AMPH: variants seen among roughly 807,000 people sequenced by gnomAD.
AMPH encodes amphiphysin.
Under a neutral mutation model 99.1 loss-of-function variants are expected in AMPH, and 49 were observed. That is an observed-to-expected ratio of 0.49 (90% CI 0.39 to 0.63). The LOEUF is 0.63. Ranked by LOEUF, AMPH falls within the 20% of genes least tolerant of loss-of-function variation. The pLI is 0.00. For missense variants in AMPH, 759 were observed against 863.4 expected, an observed-to-expected ratio of 0.88 and a Z score of 1.52; for synonymous variants, 314 against 317.3, an observed-to-expected ratio of 0.99 and a Z score of 0.11.
At chr7:38,416,278 T>A (rs1385068281) in intron 17 of AMPH, among the ~76,000 whole-genome samples, 1 of 151,974 alleles carries the variant, frequency 6.6e-6, no homozygotes, top group Non-Finnish European at 1.5e-5. Flanking sequence ...CATGACACTC[T>A]TAGAAGGGAT....
At chr7:38,562,154 AG>A (rs1313968085) in intron 1 of AMPH, among the ~76,000 whole-genome samples, 1 of 152,150 alleles carries the variant, frequency 6.6e-6, no homozygotes, top group Non-Finnish European at 1.5e-5. Context: ...AAATGAAAAA[AG>A]TCAGCAAGGT....
chr7:38,445,356 G>T (rs904846806), intron 11 of AMPH, among the ~76,000 whole-genome samples: 10 of 151,956 alleles, frequency 6.6e-5, no homozygotes, highest in African/African-American at 2.4e-4. Context: ...TTTTATCTTG[G>T]GTTAGGCAAA....
At chr7:38,465,267 CAAG>C (rs1247507070) in intron 9 of AMPH, among the ~76,000 whole-genome samples, 197 bp downstream of exon 9, 2 of 152,074 alleles carry the variant, frequency 1.3e-5, no homozygotes, top group African/African-American at 4.8e-5. Flanking sequence ...GCTGTTGTGA[CAAG>C]AAGAAGAATC....
intron 2 of AMPH, among the ~76,000 whole-genome samples, chr7:38,533,083 T>C (rs1051183236): frequency 2.0e-5 from 3 of 152,238 alleles, no homozygotes; most frequent in African/African-American, 7.2e-5. Context: ...AGTTTGTGTA[T>C]GGGAAGTTCC....
intron 1 of AMPH, among the ~76,000 whole-genome samples, chr7:38,609,873 T>C (rs1418865195): frequency 6.6e-6 from 1 of 152,040 alleles, no homozygotes; most frequent in Non-Finnish European, 1.5e-5. Context: ...ATCCAGTCCA[T>C]AAGCTTTTTC....
intron 7 of AMPH, among the ~76,000 whole-genome samples, chr7:38,474,088 G>T (rs1021911347): frequency 6.6e-6 from 1 of 152,004 alleles, no homozygotes; most frequent in African/African-American, 2.4e-5. Flanking sequence ...ACAGGATGAC[G>T]AGGGTTAGGG....
chr7:38,435,844 G>C (rs1337060796), intron 12 of AMPH, among the ~76,000 whole-genome samples: 1 of 152,146 alleles, frequency 6.6e-6, no homozygotes, highest in Non-Finnish European at 1.5e-5. Flanking sequence ...CTGCTGGCCC[G>C]TGCTTTCATG....
intron 2 of AMPH, among the ~76,000 whole-genome samples, chr7:38,527,184 G>A (rs1440922205): frequency 3.9e-5 from 6 of 152,170 alleles, no homozygotes; most frequent in African/African-American, 7.2e-5. Flanking sequence ...CCTTAATATT[G>A]AAAAGAATTT....
intron 1 of AMPH, among the ~76,000 whole-genome samples, chr7:38,543,945 TATCA>T (rs1460726175): frequency 6.6e-6 from 1 of 152,228 alleles, no homozygotes. Flanking sequence ...GAACATGATG[TATCA>T]ATCAATGATT....
chr7:38,595,310 G>T (rs1389851352), intron 1 of AMPH, among the ~76,000 whole-genome samples: 1 of 152,180 alleles, frequency 6.6e-6, no homozygotes, highest in Non-Finnish European at 1.5e-5. Flanking sequence ...GGGTAGTGCT[G>T]TACAGGTGGG....
intron 1 of AMPH, among the ~76,000 whole-genome samples, chr7:38,598,254 G>T (rs76564502): frequency 0.069 from 10,491 of 151,950 alleles, 419 homozygotes; most frequent in East Asian, 0.12. Context: ...AATGTTTTTT[G>T]TTGTTGTTGT....
chr7:38,488,509 G>A (rs533401100), intron 5 of AMPH, among the ~76,000 whole-genome samples: 1 of 149,082 alleles, frequency 6.7e-6, no homozygotes, highest in African/African-American at 2.5e-5. Flanking sequence ...ATCACACACC[G>A]GGGCCTGTCG....
chr7:38,571,139 T>C (rs1452844912), intron 1 of AMPH, among the ~76,000 whole-genome samples: 1 of 65,058 alleles, frequency 1.5e-5, no homozygotes, highest in Non-Finnish European at 2.8e-5. Context: ...ATATATATTT[T>C]TATATATTTA....
chr7:38,600,069 TC>T (rs1406737594), intron 1 of AMPH, among the ~76,000 whole-genome samples: 6 of 152,106 alleles, frequency 3.9e-5, no homozygotes, highest in Non-Finnish European at 8.8e-5. Context: ...TTGGATTCAG[TC>T]CTCGCCAAGA....
chr7:38,567,955 A>G (rs533341683), intron 1 of AMPH, among the ~76,000 whole-genome samples: 1 of 152,086 alleles, frequency 6.6e-6, no homozygotes, highest in African/African-American at 2.4e-5. Context: ...TATATATTCT[A>G]TTATTCATAT....
rs142826958 is a variant in AMPH at position 38,616,938 on chromosome 7, G to A, written c.69+14345C>T. On this transcript the variant is annotated intron_variant, in intron 1 of 20. Transcript: ENST00000356264. ...CTTCATCTGAGTAGCAGTAACACAG[G>A]ATAGATATAGATAAGATATAGATAC... Among the ~76,000 whole-genome samples, 553 of 152,152 alleles carry A rather than the reference G, an allele frequency of 3.6e-3. 4 individuals are homozygous for A. The highest frequency in any genetic ancestry group is 0.013 in the African/African-American group (537 of 41,498).
At chr7:38,468,757 A>G (rs1343570754) in intron 7 of AMPH, among the ~76,000 whole-genome samples, 2 of 152,194 alleles carry the variant, frequency 1.3e-5, no homozygotes, top group Non-Finnish European at 2.9e-5. Flanking sequence ...AATTCCATAA[A>G]TGAACAAACA....
rs572025960 is a variant in AMPH, at chr7:38,480,096, C to G, written c.397-3127G>C. Among the ~76,000 whole-genome samples, 3 of 152,022 alleles carry G rather than the reference C, an allele frequency of 2.0e-5. No homozygotes were observed. In the East Asian group the frequency reaches 5.8e-4, roughly 29 times the overall value. ...CAATAATATAAATGGTTATGGCTTA[C>G]AAGGCATTGTCACATCTGATGGATC... On this transcript the variant is annotated intron_variant, in intron 5 of 20. Transcript: ENST00000356264.
chr7:38,390,015 C>A, intron 19 of AMPH, 110 bp from the exon 20 acceptor site: 1 of 858,502 alleles, frequency 1.2e-6, no homozygotes, highest in South Asian at 1.5e-5. Context: ...TTTGCCATAT[C>A]CCAAGGAGGA....
Sources: gnomAD v4.1 joint callset for allele counts (sites outside exome capture counted in the v4.1 genomes callset) on GRCh38, gnomAD v4.1.1 for gene constraint, MANE v1.5 for transcripts, NCBI Gene and HGNC (gene_info 2026-07-23, HGNC 2026-07-21) for gene names.